CSMD1: variants seen among roughly 807,000 people sequenced by gnomAD.
CSMD1 encodes CUB and Sushi multiple domains 1, also known as CUB and sushi domain-containing protein 1.
CSMD1 carries 213 observed loss-of-function variants against 417.5 expected under a neutral mutation model. That is an observed-to-expected ratio of 0.51 (90% CI 0.46 to 0.57). The LOEUF (loss-of-function observed/expected upper bound fraction) is 0.57. Ranked by LOEUF, CSMD1 falls within the 20% of genes least tolerant of loss-of-function variation. The pLI, the probability that CSMD1 is intolerant of heterozygous loss-of-function variation, is 0.00. For synonymous variants in CSMD1, 2,862 were observed against 1,736.8 expected (o/e 1.65, Z -16.11); for missense variants, 6,923 against 4,529.7 (o/e 1.53, Z -15.17).
At chr8:4,558,421 G>A (rs182912798) in intron 2 of CSMD1, among the ~76,000 whole-genome samples, 89 of 152,206 alleles carry the variant, frequency 5.8e-4, no homozygotes, top group African/African-American at 2.1e-3. Flanking sequence ...CTCTAACAAA[G>A]TATTTTTTAA....
chr8:3,877,318 G>T (rs1229629818), intron 5 of CSMD1, among the ~76,000 whole-genome samples: 1 of 152,164 alleles, frequency 6.6e-6, no homozygotes, highest in African/African-American at 2.4e-5. Flanking sequence ...AGCCCTCCAG[G>T]TGTCCAGCTG....
intron 10 of CSMD1, among the ~76,000 whole-genome samples, chr8:3,572,821 C>T (rs1799999253): frequency 6.6e-6 from 1 of 151,998 alleles, no homozygotes; most frequent in African/African-American, 2.4e-5. Context: ...TAATATAGCC[C>T]CCAAACAAAC....
intron 26 of CSMD1, among the ~76,000 whole-genome samples, chr8:3,268,258 C>T (rs1303022283): frequency 6.7e-6 from 1 of 149,566 alleles, no homozygotes; most frequent in Non-Finnish European, 1.5e-5. Context: ...GACTTTCTCC[C>T]ATCAGGGTGT....
intron 12 of CSMD1, among the ~76,000 whole-genome samples, chr8:3,457,181 T>C (rs956272393): frequency 1.3e-5 from 2 of 148,816 alleles, no homozygotes; most frequent in Non-Finnish European, 3.0e-5. Flanking sequence ...CCTGGACTCC[T>C]CATCGTGGAC....
intron 3 of CSMD1, among the ~76,000 whole-genome samples, chr8:4,249,726 G>C (rs1036520027): frequency 2.0e-5 from 3 of 152,156 alleles, no homozygotes; most frequent in African/African-American, 7.2e-5. Flanking sequence ...CTCAGCAGAA[G>C]TAGCTCAGTA....
At chr8:4,850,382 CTTTTTTT>C in intron 1 of CSMD1, among the ~76,000 whole-genome samples, 22 of 77,840 alleles carry the variant, frequency 2.8e-4, no homozygotes, top group South Asian at 1.7e-3. Flanking sequence ...TCCAATTTAT[CTTTTTTT>C]TTTTTTTTTT....
chr8:4,298,655 G>T (rs887066441), intron 3 of CSMD1, among the ~76,000 whole-genome samples: 1 of 151,994 alleles, frequency 6.6e-6, no homozygotes, highest in Non-Finnish European at 1.5e-5. Context: ...TTTTAATACA[G>T]TTCTAAGAAG....
chr8:4,119,405 G>A (rs947147716), intron 3 of CSMD1, among the ~76,000 whole-genome samples: 1 of 152,156 alleles, frequency 6.6e-6, no homozygotes, highest in Non-Finnish European at 1.5e-5. Flanking sequence ...ACTGTTTTCA[G>A]TTAGAAATCA....
At chr8:2,943,131 T>C (rs1470076474) in intron 68 of CSMD1, among the ~76,000 whole-genome samples, 2 of 152,176 alleles carry the variant, frequency 1.3e-5, no homozygotes, top group African/African-American at 4.8e-5. Flanking sequence ...AGTTTAGAAA[T>C]ACTCAAAAAT....
intron 7 of CSMD1, among the ~76,000 whole-genome samples, chr8:3,644,469 G>T (rs940844950): frequency 6.6e-6 from 1 of 152,190 alleles, no homozygotes; most frequent in Non-Finnish European, 1.5e-5. Context: ...AACTCTATGT[G>T]CTCCTTGGAC....
chr8:3,499,332 A>C (rs891126370), intron 10 of CSMD1, among the ~76,000 whole-genome samples: 4 of 152,044 alleles, frequency 2.6e-5, no homozygotes, highest in Non-Finnish European at 5.9e-5. Context: ...TTCAGCTCTA[A>C]TGCAGATGGA....
chr8:3,552,269 G>T (rs1798949522), intron 10 of CSMD1, among the ~76,000 whole-genome samples: 3 of 151,846 alleles, frequency 2.0e-5, no homozygotes, highest in Admixed American at 2.0e-4. Context: ...CAGAAAGCTT[G>T]AATACTAATC....
At chr8:3,307,953 C>A (rs927769709) in intron 24 of CSMD1, 132 bp from the exon 25 acceptor site, 1 of 986,534 alleles carries the variant, frequency 1.0e-6, no homozygotes, top group South Asian at 1.8e-5. Context: ...TCATCTCTCT[C>A]TCCTGACCGT....
chr8:4,296,387 CATA>C (rs1797681823), intron 3 of CSMD1, among the ~76,000 whole-genome samples: 1 of 152,190 alleles, frequency 6.6e-6, no homozygotes, highest in Admixed American at 6.5e-5. Flanking sequence ...TATTTCTAAA[CATA>C]ATAATGATTT....
chr8:3,908,468 GGGCCTTTACACATCCA>G (rs1280551436), intron 5 of CSMD1, among the ~76,000 whole-genome samples: 1 of 152,042 alleles, frequency 6.6e-6, no homozygotes, highest in Non-Finnish European at 1.5e-5. Context: ...CACATTCCCT[GGGCCTTTACACATCCA>G]GTATCCCCTG....
intron 46 of CSMD1, among the ~76,000 whole-genome samples, chr8:3,105,146 T>G (rs558707064): frequency 6.6e-6 from 1 of 152,328 alleles, no homozygotes; most frequent in African/African-American, 2.4e-5. Context: ...GATAAATTCA[T>G]TTAATACTCG....
intron 5 of CSMD1, among the ~76,000 whole-genome samples, chr8:3,897,935 G>C (rs1051753538): frequency 1.3e-5 from 2 of 152,284 alleles, no homozygotes; most frequent in Non-Finnish European, 2.9e-5. Context: ...TTTAGATATA[G>C]TTATATAATC....
In CSMD1 at chr8:4,078,982, A is replaced by G. The variant is rs566467230; in HGVS notation, c.416-46883T>C. Among the ~76,000 whole-genome samples the G allele has an allele frequency of 4.8e-5, 7 of 145,218 alleles. No homozygotes were observed. The East Asian group carries it at 1.4e-3, about 30-fold the overall frequency. ...TATCTTCTCTTCACTTTTTCCCACA[A>G]TGTTGCATTAACAGTATCATATGTC... is the stretch of plus-strand genomic sequence containing the variant. On this transcript the variant is annotated intron_variant, in intron 3 of 69. Transcript: ENST00000635120.
intron 3 of CSMD1, among the ~76,000 whole-genome samples, chr8:4,393,302 T>A (rs1248712386): frequency 6.6e-6 from 1 of 152,112 alleles, no homozygotes; most frequent in Non-Finnish European, 1.5e-5. Context: ...ATTAGGTGCT[T>A]TAGAAATAAA....
Sources: allele counts gnomAD v4.1 joint callset (sites outside exome capture counted in the v4.1 genomes callset), GRCh38; gene constraint gnomAD v4.1.1; transcripts MANE v1.5; gene names NCBI Gene and HGNC (gene_info 2026-07-23, HGNC 2026-07-21).